PRMT8: variants seen among roughly 807,000 people sequenced by gnomAD.
The protein encoded by PRMT8 is protein arginine methyltransferase 8.
PRMT8 carries 7 observed loss-of-function variants against 47.1 expected under a neutral mutation model. That is an observed-to-expected ratio of 0.15 (90% CI 0.08 to 0.28). The LOEUF (loss-of-function observed/expected upper bound fraction) is 0.28, where lower values mean the gene tolerates loss of function less well. Ranked by LOEUF, PRMT8 falls within the 10% of genes least tolerant of loss-of-function variation. The probability of loss-of-function intolerance (pLI) is 1.00; values close to 1 mark genes in which losing one functional copy is unlikely to be tolerated. For synonymous variants in PRMT8, 188 were observed against 186.5 expected (o/e 1.01, Z -0.07); for missense variants, 237 against 505.4 (o/e 0.47, Z 5.09).
chr12:3,511,853 C>A (rs1418979132), intron 1 of PRMT8, among the ~76,000 whole-genome samples: 1 of 152,242 alleles, frequency 6.6e-6, no homozygotes, highest in Non-Finnish European at 1.5e-5. Context: ...TCCATTAAAG[C>A]CATCCTTCTT....
rs74057425 is a variant in PRMT8, at chr12:3,452,466, G to A, written c.48+71024G>A. Among the ~76,000 whole-genome samples, 977 of 152,240 alleles carry A rather than the reference G, an allele frequency of 6.4e-3. 15 individuals carry two copies. Among genetic ancestry groups the A allele is most frequent in the African/African-American group, 0.022 (917 of 41,510 alleles). ...TTTTCATACATTTTCCCACCAGATA[G>A]ATCCGAGAATTAATGTCCTAAGCGG... is the stretch of plus-strand genomic sequence containing the variant. On this transcript the variant is annotated intron_variant, in intron 1 of 9. Transcript: ENST00000452611.
intron 1 of PRMT8, among the ~76,000 whole-genome samples, chr12:3,471,921 G>A (rs1174709232): frequency 6.6e-6 from 1 of 152,046 alleles, no homozygotes; most frequent in African/African-American, 2.4e-5. Context: ...AGGTAGCGGG[G>A]TGAGGGTAGG....
intron 7 of PRMT8, among the ~76,000 whole-genome samples, chr12:3,579,220 A>C (rs1591613441): frequency 6.6e-6 from 1 of 152,180 alleles, no homozygotes; most frequent in African/African-American, 2.4e-5. Context: ...ACCATTAGGC[A>C]TCTGCACGTA....
At chr12:3,423,706 T>A (rs973989390) in intron 1 of PRMT8, among the ~76,000 whole-genome samples, 5 of 152,222 alleles carry the variant, frequency 3.3e-5, no homozygotes, top group African/African-American at 9.6e-5. Flanking sequence ...CCAGTGGGAC[T>A]CTGGGTGGGT....
chr12:3,476,725 G>A (rs1177242344), intron 1 of PRMT8, among the ~76,000 whole-genome samples: 2 of 152,182 alleles, frequency 1.3e-5, no homozygotes, highest in Non-Finnish European at 2.9e-5. Flanking sequence ...TGCCTTCCCT[G>A]GGAACTTCAA....
intron 1 of PRMT8, among the ~76,000 whole-genome samples, chr12:3,416,468 G>A (rs1191530234): frequency 1.3e-5 from 2 of 152,202 alleles, no homozygotes; most frequent in African/African-American, 4.8e-5. Context: ...TCCATTTGGT[G>A]GCGTGCTCCC....
Position 3,569,648 on chromosome 12 carries a change from A to C in PRMT8, c.712+84A>C. Reference sequence around the variant, plus strand: ...TCCAGTGGGCCCGAGATGAGCAGGCAGTGACATGAACACCATTGCTGTCCC... The same window carrying C: ...TCCAGTGGGCCCGAGATGAGCAGGCCGTGACATGAACACCATTGCTGTCCC... On this transcript the variant is annotated intron_variant, in intron 6 of 9. Coordinates refer to ENST00000382622, the MANE Select transcript of PRMT8 (RefSeq NM_019854.5). The surrounding 1 kb of genome is among the most constrained non-coding windows in gnomAD (Gnocchi z 8.2). 9.3e-7 allele frequency: 1 copy of C among 1,079,266 alleles called. No individual in the cohort carries two copies. The highest frequency in any genetic ancestry group is 1.4e-6 in the Non-Finnish European group (1 of 694,342). 66.9% of individuals were successfully genotyped at this position (1,079,266 alleles called of 1,614,324 possible). A position where few individuals can be genotyped will look rare whatever the true frequency, so the allele number is the denominator to read the frequency against.
intron 1 of PRMT8, among the ~76,000 whole-genome samples, chr12:3,416,255 C>A (rs188204782): frequency 6.6e-6 from 1 of 152,156 alleles, no homozygotes; most frequent in Non-Finnish European, 1.5e-5. Context: ...TGACATCATC[C>A]CCTATCAAGA....
chr12:3,509,020 C>T (rs541929854), intron 1 of PRMT8, among the ~76,000 whole-genome samples: 4 of 152,318 alleles, frequency 2.6e-5, no homozygotes, highest in Non-Finnish European at 5.9e-5. Flanking sequence ...CGTCCCTGTT[C>T]GTGTCTCTTC....
At chr12:3,556,159 C>T (rs898686022) in intron 4 of PRMT8, among the ~76,000 whole-genome samples, 3 of 152,042 alleles carry the variant, frequency 2.0e-5, no homozygotes, top group Non-Finnish European at 2.9e-5. Context: ...GACTTGGATA[C>T]GTGCGTCCAG....
intron 2 of PRMT8, among the ~76,000 whole-genome samples, chr12:3,543,407 G>A (rs549621336): frequency 6.6e-6 from 1 of 152,144 alleles, no homozygotes; most frequent in African/African-American, 2.4e-5. Context: ...CAGATGGATC[G>A]TGGTGATGCC....
At chr12:3,573,127 T>TA (rs1469904635) in intron 6 of PRMT8, among the ~76,000 whole-genome samples, 1 of 152,176 alleles carries the variant, frequency 6.6e-6, no homozygotes, top group Non-Finnish European at 1.5e-5. Context: ...TTATATGAAA[T>TA]AATGTTTGAT....
chr12:3,531,691 G>A (rs192014059), intron 1 of PRMT8, among the ~76,000 whole-genome samples: 358 of 152,318 alleles, frequency 2.4e-3, no homozygotes, highest in Non-Finnish European at 3.4e-3. Flanking sequence ...CGCGTCAAGC[G>A]TCTCAGTGAC....
intron 1 of PRMT8, among the ~76,000 whole-genome samples, chr12:3,458,488 C>T (rs1182556605): frequency 6.6e-6 from 1 of 152,234 alleles, no homozygotes; most frequent in Non-Finnish European, 1.5e-5. Context: ...GGCCACGCAC[C>T]ACAGGTCAGA....
In PRMT8 at chr12:3,397,244, T is replaced by C. The variant is rs539437350; in HGVS notation, c.48+15802T>C. 6.6e-5 allele frequency among the ~76,000 whole-genome samples: 10 copies of C among 152,108 alleles called. No individual in the cohort carries two copies. In the East Asian group the frequency reaches 1.6e-3, roughly 24 times the overall value. The stretch of plus-strand genomic sequence containing the variant: ...TCATTCTCCGTCCAGCTTTGTTCCA[T>C]TGCTGGTGAGGAACTGCGTTCCTTT... On this transcript the variant is annotated intron_variant, in intron 1 of 9. Transcript: ENST00000452611.
chr12:3,530,427 A>G (rs1866012141), intron 1 of PRMT8, among the ~76,000 whole-genome samples: 1 of 152,208 alleles, frequency 6.6e-6, no homozygotes, highest in Admixed American at 6.5e-5. Flanking sequence ...AACACCTACA[A>G]TTGTGAGATA....
At chr12:3,469,117 CAG>C (rs1865134807) in intron 1 of PRMT8, 3 of 488,480 alleles carry the variant, frequency 6.1e-6, no homozygotes, top group Non-Finnish European at 1.2e-5. Context: ...TTTCTGAAGC[CAG>C]AGTCTTCCAT....
upstream of PRMT8, among the ~76,000 whole-genome samples, chr12:3,488,105 CCTTGTGTTTTTGTTTT>C (rs1865339309): frequency 6.6e-6 from 1 of 152,130 alleles, no homozygotes; most frequent in South Asian, 2.1e-4. Context: ...TTGGGCAATT[CCTTGTGTTTTTGTTTT>C]CTCATCTGTT....
intron 1 of PRMT8, among the ~76,000 whole-genome samples, chr12:3,466,501 G>A (rs1865098557): frequency 6.6e-6 from 1 of 152,134 alleles, no homozygotes; most frequent in Non-Finnish European, 1.5e-5. Flanking sequence ...GAAAAATAAT[G>A]AGTCAATGTT....
Sources: gnomAD v4.1 joint callset for allele counts (sites outside exome capture counted in the v4.1 genomes callset) on GRCh38, gnomAD v4.1.1 for gene constraint, Gnocchi (gnomAD v3.1) non-coding constraint, MANE v1.5 for transcripts, NCBI Gene and HGNC (gene_info 2026-07-23, HGNC 2026-07-21) for gene names.